The following STAG2 variants were observed in gnomAD, a reference collection of about 807,000 sequenced individuals.
The protein encoded by STAG2 is STAG2 cohesin complex component, also known as cohesin subunit SA-2.
STAG2 carries 14 observed loss-of-function variants against 108.1 expected under a neutral mutation model. The ratio of observed to expected loss-of-function variants is 0.13; its 90% confidence interval spans 0.09 to 0.20. STAG2 has a LOEUF of 0.20. Among genes scored for constraint, STAG2 ranks in the 10% least tolerant of loss-of-function variants. The pLI is 1.00. For synonymous variants in STAG2, 307 were observed against 302.7 expected (o/e 1.01, Z -0.15); for missense variants, 440 against 940.9 (o/e 0.47, Z 6.96).
At chrX:124,066,140 T>A (rs1310161819) in intron 21 of STAG2, 35 bp from the exon 22 acceptor site, 1 of 996,120 alleles carries the variant, frequency 1.0e-6, no homozygotes, top group Non-Finnish European at 1.3e-6. Flanking sequence ...TTAATAAAAC[T>A]TAATTTTTTT....
intron 1 of STAG2, among the ~76,000 whole-genome samples, chrX:124,002,812 C>CTTTTTTTTT (rs111999061): frequency 2.2e-5 from 2 of 92,938 alleles, no homozygotes; most frequent in Non-Finnish European, 4.3e-5. Flanking sequence ...TTCTTTCTTT[C>CTTTTTTTTT]TTTTTTTTTT....
intron 24 of STAG2, among the ~76,000 whole-genome samples, chrX:124,070,263 A>G (rs185501577): frequency 1.9e-4 from 21 of 111,837 alleles, no homozygotes; most frequent in Admixed American, 1.0e-3. Flanking sequence ...AATTACTACT[A>G]TAGTAGTTAG....
intron 13 of STAG2, among the ~76,000 whole-genome samples, chrX:124,052,998 G>A (rs1309120244): frequency 1.8e-5 from 2 of 110,416 alleles, no homozygotes; most frequent in Middle Eastern, 4.6e-3. Context: ...TGTATTTTTA[G>A]TAGAGACGAA....
rs1379253775 is a variant in STAG2 at position 124,064,067 on chromosome X, A to G, written c.2025+16A>G. On this transcript the variant is annotated intron_variant, in intron 20 of 34. Transcript: ENST00000371145. ...TCTGCAAGAGGTATATATTATAACT[A>G]TTACAAGTATTTTGTCAGTTGAGCC... The G allele has an allele frequency of 1.7e-6, 2 of 1,150,813 alleles. No homozygotes were observed. Among genetic ancestry groups the G allele is most frequent in the Admixed American group, 2.3e-5 (1 of 44,136 alleles). The allele number at this position is 1,150,813 out of a possible 1,213,427, so 94.8% of individuals were successfully genotyped here.
chrX:124,082,539 T>C (rs768393023), intron 28 of STAG2, among the ~76,000 whole-genome samples: 1 of 111,073 alleles, frequency 9.0e-6, no homozygotes, highest in African/African-American at 3.3e-5. Flanking sequence ...TTGCTTCTAC[T>C]CCCTCAACTT....
In STAG2 at chrX:123,989,755, C is replaced by T. The variant is rs1334419573; in HGVS notation, c.-163+27899C>T. On this transcript the variant is annotated intron_variant, in intron 1 of 34. Transcript: ENST00000371145. ...AGTAGCTGGGATTACAGGCGCCCGC[C>T]ACCATGCCTGGGTAATTTTTGTATT... Among the ~76,000 whole-genome samples, 12 of 109,263 alleles carry T rather than the reference C, an allele frequency of 1.1e-4. No homozygotes were observed. The South Asian group carries it at 2.0e-3, about 18-fold the overall frequency. The allele number at this position is 109,263 out of a possible 115,157, so 94.9% of individuals were successfully genotyped here. A position where few individuals can be genotyped will look rare whatever the true frequency, so the allele number is the denominator to read the frequency against.
At chrX:124,088,480 A>G (rs1256518708) in intron 30 of STAG2, among the ~76,000 whole-genome samples, 2 of 111,368 alleles carry the variant, frequency 1.8e-5, no homozygotes, top group African/African-American at 6.5e-5. Context: ...ATGCAGTAGA[A>G]CTTAAAGGCT....
At chrX:124,075,321 T>C (rs1374027621) in intron 25 of STAG2, among the ~76,000 whole-genome samples, 1 of 112,103 alleles carries the variant, frequency 8.9e-6, no homozygotes, top group Non-Finnish European at 1.9e-5. Flanking sequence ...TTGCCCAGTC[T>C]GGAGTGCAGT....
chrX:124,060,986 A>G (rs983255931), intron 15 of STAG2, among the ~76,000 whole-genome samples: 15 of 108,494 alleles, frequency 1.4e-4, no homozygotes, highest in African/African-American at 5.0e-4. Context: ...AATAATAAAA[A>G]ATTTTTTTCA....
chrX:123,976,729 C>G (rs1293281597), intron 1 of STAG2, among the ~76,000 whole-genome samples: 1 of 111,744 alleles, frequency 8.9e-6, no homozygotes, highest in Non-Finnish European at 1.9e-5. Flanking sequence ...TTGTTTCTCA[C>G]AACAACCCTA....
intron 1 of STAG2, among the ~76,000 whole-genome samples, chrX:124,020,894 A>G (rs1370732957): frequency 9.0e-6 from 1 of 110,937 alleles, no homozygotes; most frequent in Admixed American, 9.6e-5. Flanking sequence ...CTGGTCTGGA[A>G]CTCCTCACCT....
intron 1 of STAG2, among the ~76,000 whole-genome samples, chrX:123,986,704 G>T (rs1008856018): frequency 4.5e-5 from 5 of 111,883 alleles, no homozygotes; most frequent in African/African-American, 1.6e-4. Context: ...AAATGTTACA[G>T]AGATGAAATG....
intron 33 of STAG2, 53 bp from the exon 34 acceptor site, chrX:124,095,319 T>A (rs754778375): frequency 4.3e-4 from 420 of 975,685 alleles, no homozygotes; most frequent in Non-Finnish European, 5.7e-4. Context: ...AGTTACTATC[T>A]GGTTTGTAGA....
At chrX:123,994,387 T>A (rs2055628419) in intron 1 of STAG2, among the ~76,000 whole-genome samples, 1 of 111,283 alleles carries the variant, frequency 9.0e-6, no homozygotes, top group Non-Finnish European at 1.9e-5. Flanking sequence ...ACAGCCACGT[T>A]GGGGATCAAA....
rs1307724308 is a variant in STAG2 at position 124,051,479 on chromosome X, T to G, written c.1196+85T>G. Reference sequence around the variant, plus strand: ...AGTATTTGGTTCAGACTCATCTAGGTCTAAATTTTAGTAGCTTACGTCATG... The same window carrying G: ...AGTATTTGGTTCAGACTCATCTAGGGCTAAATTTTAGTAGCTTACGTCATG... On this transcript the variant is annotated intron_variant, in intron 13 of 34. Transcript: ENST00000371145. The G allele has an allele frequency of 4.2e-6, 3 of 706,816 alleles. No individual in the cohort carries two copies. In the African/African-American group the frequency reaches 6.7e-5, roughly 16 times the overall value. 58.2% of individuals were successfully genotyped at this position (706,816 alleles called of 1,213,427 possible).
chrX:124,079,279 C>A (rs375816214), intron 27 of STAG2, among the ~76,000 whole-genome samples: 1 of 109,049 alleles, frequency 9.2e-6, no homozygotes, highest in East Asian at 3.0e-4. Flanking sequence ...GCTGGGACTA[C>A]AGGCACCCGC....
rs138402717 is a variant in STAG2, at chrX:124,084,279, C to T, written c.3053+730C>T. Among the ~76,000 whole-genome samples the T allele has an allele frequency of 2.6e-4, 29 of 110,437 alleles. No individual in the cohort carries two copies. The East Asian group carries it at 8.1e-3, about 31-fold the overall frequency. On this transcript the variant is annotated intron_variant, in intron 29 of 34. Coordinates refer to ENST00000371145, the MANE Select transcript of STAG2 (RefSeq NM_001042750.2). ...TGTATGGTGATAAAAATTACAGTAA[C>T]GGTTACTTCTAGTGTTGGAGAGTTT...
rs1453071782 is a variant in STAG2 at position 124,051,414 on chromosome X, A to G, written c.1196+20A>G. 1.8e-6 allele frequency: 2 copies of G among 1,094,838 alleles called. No individual in the cohort carries two copies. The highest frequency in any genetic ancestry group is 4.8e-5 in the Admixed American group (2 of 41,364). The allele number at this position is 1,094,838 out of a possible 1,213,427, so 90.2% of individuals were successfully genotyped here. On this transcript the variant is annotated intron_variant, in intron 13 of 34. Transcript: ENST00000371145. ...TTTACAGTAAGTATGTATTTGTTGC[A>G]TATTTGCACTAATGTTCAGATATCT...
At position 124,076,451 on chromosome X, in the gene STAG2, A is replaced by G; in HGVS notation, c.2653A>G (p.Ile885Val). 8.4e-7 allele frequency: 1 copy of G among 1,183,578 alleles called. No individual in the cohort carries two copies. The highest frequency in any genetic ancestry group is 1.1e-6 in the Non-Finnish European group (1 of 882,758). The stretch of plus-strand genomic sequence containing the variant: ...GGTGGAGATGAATACAGCTGCAGAT[A>G]TCTTCAAACAGTATATGAAGGTAAA... ...TVVEMNTAAD[I>V]FKQYMKYYND... is the part of the protein sequence containing the mutation. Residue 885 changes from isoleucine to valine, a missense_variant, in exon 26 of 35, where the codon ATC becomes GTC. By Grantham distance (29) the Ile-to-Val change is conservative. Coordinates refer to ENST00000371145, the MANE Select transcript of STAG2 (RefSeq NM_001042750.2).
Sources: gnomAD v4.1 joint callset for allele counts (sites outside exome capture counted in the v4.1 genomes callset) on GRCh38, gnomAD v4.1.1 for gene constraint, MANE v1.5 for transcripts, NCBI Gene and HGNC (gene_info 2026-07-23, HGNC 2026-07-21) for gene names.